The following GGA1 variants were observed in gnomAD, a reference collection of about 807,000 sequenced individuals.
GGA1 encodes the protein ADP-ribosylation factor-binding protein GGA1.
Under a neutral mutation model 76.9 loss-of-function variants are expected in GGA1, and 18 were observed. The ratio of observed to expected loss-of-function variants is 0.23; its 90% confidence interval spans 0.16 to 0.35. The LOEUF (loss-of-function observed/expected upper bound fraction) is 0.35. Among genes scored for constraint, GGA1 ranks in the 10% least tolerant of loss-of-function variants. GGA1 has a pLI of 1.00. For synonymous variants in GGA1, 342 were observed against 354.7 expected (o/e 0.96, Z 0.40); for missense variants, 755 against 859.0 (o/e 0.88, Z 1.51).
chr22:37,627,628 C>G (rs1483697672), intron 11 of GGA1, among the ~76,000 whole-genome samples: 1 of 152,218 alleles, frequency 6.6e-6, no homozygotes, highest in Non-Finnish European at 1.5e-5. Flanking sequence ...GCCACCAGCC[C>G]CCAGCCAGCA....
rs201248808 is a variant in GGA1 at position 37,623,451 on chromosome 22, G to A, written c.734G>A (p.Ser245Asn). The A allele has an allele frequency of 1.8e-4, 284 of 1,614,088 alleles. 1 individual carries two copies. In the East Asian group the frequency reaches 5.9e-3, roughly 34 times the overall value. The change falls in exon 8 of 17, where the codon AGC becomes AAC. Residue 245 changes from serine (S) to asparagine (N), a missense_variant. Physicochemically the swap from Ser to Asn is conservative, Grantham distance 46 (BLOSUM62 1). Transcript: ENST00000343632. The surrounding 1 kb of genome is among the most constrained non-coding windows in gnomAD (Gnocchi z 4.6). ...HSQGGAAAGS[S>N]EDLMKELYQR... ...CAGGGCGGCGCAGCAGCTGGCAGCA[G>A]CGAGGACCTCATGAAGGTGCACCTG... is the stretch of plus-strand genomic sequence containing the variant.
rs977148017 is a variant in GGA1, at chr22:37,628,264, T to C, written c.1094-1198T>C. ...TGGCTAATTTTTTTTCCTTTTATTC[T>C]TTAGGGGTAGAGTCTCTATGCTGCC... On this transcript the variant is annotated intron_variant, in intron 11 of 16. Coordinates refer to ENST00000343632, the MANE Select transcript of GGA1 (RefSeq NM_013365.5). Among the ~76,000 whole-genome samples, 12 of 152,300 alleles carry C rather than the reference T, an allele frequency of 7.9e-5. No individual in the cohort carries two copies. In the East Asian group the frequency reaches 2.3e-3, roughly 29 times the overall value.
At chr22:37,628,321 C>T (rs1241477523) in intron 11 of GGA1, among the ~76,000 whole-genome samples, 1 of 152,172 alleles carries the variant, frequency 6.6e-6, no homozygotes, top group African/African-American at 2.4e-5. Context: ...CTTCAGCCTC[C>T]CAAATAGCTG....
rs200523533 is a variant in GGA1 at position 37,623,535 on chromosome 22, C to G, written c.751-17C>G. 1 of 1,612,492 alleles carries G rather than the reference C, an allele frequency of 6.2e-7. No homozygotes were observed. The highest frequency in any genetic ancestry group is 8.5e-7 in the Non-Finnish European group (1 of 1,178,984). ...CAGCCCACGCGGACCCTGACCCGCC[C>G]ATCCTGCTGCCCTCAGGAACTGTAC... On this transcript the variant is annotated splice_polypyrimidine_tract_variant and intron_variant, in intron 8 of 16. Transcript: ENST00000343632. The surrounding 1 kb of genome is among the most constrained non-coding windows in gnomAD (Gnocchi z 4.6).
At chr22:37,631,846 C>T in intron 14 of GGA1, 150 bp from the exon 15 acceptor site, 1 of 634,004 alleles carries the variant, frequency 1.6e-6, no homozygotes. Context: ...CCTGCACTGC[C>T]ACCCAGGGTC....
Position 37,620,276 on chromosome 22 carries a change from G to A in GGA1, c.342G>A (p.Lys114=). 1 of 1,613,988 alleles carries A rather than the reference G, an allele frequency of 6.2e-7. No individual in the cohort carries two copies. Residue 114 remains lysine (K), a synonymous_variant, in exon 5 of 17, where the codon AAG becomes AAA. Coordinates refer to ENST00000343632, the MANE Select transcript of GGA1 (RefSeq NM_013365.5). ...GGACATCGGAGAAGGTGAAGAACAA[G>A]ATCTTGGAGCTCCTCTACAGCTGGA... is the stretch of plus-strand genomic sequence containing the variant. ...GSRTSEKVKN[K]ILELLYSWTV... is the part of the protein sequence containing the mutation.
At chr22:37,619,767 A>G (rs1472927033) in intron 4 of GGA1, 3 of 777,748 alleles carry the variant, frequency 3.9e-6, no homozygotes, top group African/African-American at 1.7e-5. Context: ...GCTACTGAAT[A>G]ATCCATATGG....
chr22:37,617,443 G>T (rs765176271), intron 3 of GGA1: 61 of 1,025,342 alleles, frequency 5.9e-5, no homozygotes, highest in Non-Finnish European at 6.4e-5. Flanking sequence ...GGAGAGAGGG[G>T]TGTACTGTCT....
At chr22:37,616,806 C>T in intron 2 of GGA1, 116 bp from the exon 3 acceptor site, 1 of 1,349,530 alleles carries the variant, frequency 7.4e-7, no homozygotes. Context: ...TGACCCTCCC[C>T]TAGGGCGACC....
In GGA1 at chr22:37,623,503, C is replaced by T. The variant is rs779498546; in HGVS notation, c.750+36C>T. On this transcript the variant is annotated intron_variant, in intron 8 of 16. Coordinates refer to ENST00000343632, the MANE Select transcript of GGA1 (RefSeq NM_013365.5). This position sits in a 1 kb window ranked among gnomAD's most constrained non-coding sequence, Gnocchi z 4.6. ...CTCCCTGCCTACCCCACTCCCTGCC[C>T]ACTCCACAGCCCACGCGGACCCTGA... 8.1e-6 allele frequency: 13 copies of T among 1,613,006 alleles called. No individual in the cohort carries two copies. The African/African-American group carries it at 1.7e-4, about 22-fold the overall frequency.
intron 1 of GGA1, 21 bp downstream of exon 1, chr22:37,608,924 C>T: frequency 1.5e-6 from 2 of 1,317,542 alleles, no homozygotes; most frequent in Non-Finnish European, 1.9e-6. Context: ...GGGAGGGGCG[C>T]GGGCCGGACC....
chr22:37,609,347 C>T (rs975453829), intron 1 of GGA1: 4 of 1,095,734 alleles, frequency 3.7e-6, no homozygotes, highest in Middle Eastern at 2.6e-4. Context: ...GCATGGCGTT[C>T]CTGGAGCCCG....
intron 1 of GGA1, among the ~76,000 whole-genome samples, chr22:37,609,859 C>T (rs971079934): frequency 5.3e-5 from 8 of 152,210 alleles, no homozygotes; most frequent in Admixed American, 4.6e-4. Flanking sequence ...CCCGGGCACA[C>T]CGGCAACTGT....
intron 7 of GGA1, 120 bp downstream of exon 7, chr22:37,621,816 A>G: frequency 1.6e-6 from 1 of 612,514 alleles, no homozygotes; most frequent in Non-Finnish European, 2.8e-6. Flanking sequence ...GGGCTGGCAC[A>G]GCAGAGAAGC....
At position 37,620,116 on chromosome 22, in the gene GGA1, GA is replaced by G; in HGVS notation, c.304-121del. ...CAGGCTGGTTGGGCGGGGCTATGAG[GA>G]CCCTGTAGGCTAGAGGGCTTCCCGG... On this transcript the variant is annotated intron_variant, in intron 4 of 16. Transcript: ENST00000343632. 5.6e-6 allele frequency: 6 copies of G among 1,064,084 alleles called. No individual in the cohort carries two copies. In the Middle Eastern group the frequency reaches 8.2e-4, roughly 145 times the overall value. 65.9% of individuals were successfully genotyped at this position (1,064,084 alleles called of 1,614,324 possible). A position where few individuals can be genotyped will look rare whatever the true frequency, so the allele number is the denominator to read the frequency against.
rs1927102689 is a variant in GGA1, at chr22:37,609,574, C to T, written c.43+671C>T. ...AGTCTCCAAGATGCCTTTCCCAGCT[C>T]TTGCTGAACTTCCTTCAAAGGCTTC... On this transcript the variant is annotated intron_variant, in intron 1 of 16. Coordinates refer to ENST00000343632, the MANE Select transcript of GGA1 (RefSeq NM_013365.5). Among the ~76,000 whole-genome samples the T allele has an allele frequency of 3.3e-5, 5 of 152,284 alleles. 1 individual carries two copies. In the South Asian group the frequency reaches 6.2e-4, roughly 19 times the overall value.
In GGA1 at chr22:37,632,545, T is replaced by G. The variant is rs1932012453; in HGVS notation, c.1809+30T>G. On this transcript the variant is annotated intron_variant, in intron 16 of 16. Transcript: ENST00000343632. This position sits in a 1 kb window ranked among gnomAD's most constrained non-coding sequence, Gnocchi z 5.1. ...GGGGCCCCCAGGCAGTGCTGCAGGG[T>G]GGGGACGGCCACTTCTCCTCCTCTG... 1 of 1,583,266 alleles carries G rather than the reference T, an allele frequency of 6.3e-7. No homozygotes were observed. Among genetic ancestry groups the G allele is most frequent in the South Asian group, 1.1e-5 (1 of 90,454 alleles).
At position 37,625,175 on chromosome 22, in the gene GGA1, G is replaced by A. The variant is rs115689817; in HGVS notation, c.940+99G>A. 1.8e-3 allele frequency: 1,997 copies of A among 1,116,430 alleles called. 36 individuals are homozygous for A. In the African/African-American group the frequency reaches 0.028, roughly 16 times the overall value. The allele number at this position is 1,116,430 out of a possible 1,614,324, so 69.2% of individuals were successfully genotyped here. A position where few individuals can be genotyped will look rare whatever the true frequency, so the allele number is the denominator to read the frequency against. On this transcript the variant is annotated intron_variant, in intron 10 of 16. Transcript: ENST00000343632. This position sits in a 1 kb window ranked among gnomAD's most constrained non-coding sequence, Gnocchi z 4.1. ...TGGTCTCAGAGCGGCTGGAATGACT[G>A]CCAGGGTGACCCTGGCCCCTTAAGA...
intron 14 of GGA1, among the ~76,000 whole-genome samples, 170 bp from the exon 15 acceptor site, chr22:37,631,825 CT>C (rs1299311520): frequency 6.6e-6 from 1 of 152,220 alleles, no homozygotes; most frequent in Non-Finnish European, 1.5e-5. Flanking sequence ...GGGCACCGCT[CT>C]GTGCCCCTGC....
Sources: allele counts gnomAD v4.1 joint callset (sites outside exome capture counted in the v4.1 genomes callset), GRCh38; gene constraint gnomAD v4.1.1; non-coding constraint Gnocchi (gnomAD v3.1); transcripts MANE v1.5; gene names NCBI Gene and HGNC (gene_info 2026-07-23, HGNC 2026-07-21).